LMO1: variants seen among roughly 807,000 people sequenced by gnomAD.
LMO1 encodes rhombotin-1.
LMO1 carries 10 observed loss-of-function variants against 18.0 expected under a neutral mutation model. That is an observed-to-expected ratio of 0.55 (90% CI 0.34 to 0.94). The LOEUF is 0.94. Among genes scored for constraint, LMO1 ranks in the 40% least tolerant of loss-of-function variants. The probability of loss-of-function intolerance (pLI) is 0.02; values close to 1 mark genes in which losing one functional copy is unlikely to be tolerated. For missense variants in LMO1, 183 were observed against 205.7 expected (o/e 0.89, Z 0.68); for synonymous variants, 77 against 77.9 (o/e 0.99, Z 0.06).
In LMO1 at chr11:8,255,844, G is replaced by A. The variant is rs1323301633; in HGVS notation, c.25+7494C>T. On this transcript the variant is annotated intron_variant, in intron 1 of 3. Transcript: ENST00000335790. ...TTTTTTTTTTTTTTTTTTTTTTTTTGAGACGGAGTCTCGCTCTGTCGCCCA... is the reference window on the plus strand; with the variant it reads ...TTTTTTTTTTTTTTTTTTTTTTTTTAAGACGGAGTCTCGCTCTGTCGCCCA... Among the ~76,000 whole-genome samples, 5 of 19,028 alleles carry A rather than the reference G, an allele frequency of 2.6e-4. 1 individual carries two copies. The Middle Eastern group carries it at 0.14, about 519-fold the overall frequency. The allele number at this position is 19,028 out of a possible 152,430, so 12.5% of individuals were successfully genotyped here. A position where few individuals can be genotyped will look rare whatever the true frequency, so the allele number is the denominator to read the frequency against.
At chr11:8,252,904 T>A (rs1371014007) in intron 1 of LMO1, among the ~76,000 whole-genome samples, 4 of 152,224 alleles carry the variant, frequency 2.6e-5, no homozygotes, top group Admixed American at 2.6e-4. Flanking sequence ...TTTTGGAATG[T>A]GTGTTGGAAT....
At chr11:8,236,632 C>T (rs915818727) in intron 1 of LMO1, among the ~76,000 whole-genome samples, 1 of 152,082 alleles carries the variant, frequency 6.6e-6, no homozygotes, top group African/African-American at 2.4e-5. Flanking sequence ...GGAGAGCATG[C>T]AGACACTCGC....
intron 1 of LMO1, among the ~76,000 whole-genome samples, chr11:8,254,324 G>A (rs1847053681): frequency 6.6e-6 from 1 of 152,100 alleles, no homozygotes; most frequent in Non-Finnish European, 1.5e-5. Context: ...CTGAAGCCTG[G>A]GTTTTATTAC....
At chr11:8,267,721 A>C (rs936274446), upstream of LMO1, among the ~76,000 whole-genome samples, 18 of 152,186 alleles carry the variant, frequency 1.2e-4, no homozygotes, top group African/African-American at 4.1e-4. Flanking sequence ...AAGGACCCTA[A>C]ACTTCATTAG....
Position 8,229,484 on chromosome 11 carries a change from C to A in LMO1, c.239+807G>T, listed in dbSNP as rs113280207. 2.0e-5 allele frequency among the ~76,000 whole-genome samples: 3 copies of A among 152,340 alleles called. No homozygotes were observed. In the South Asian group the frequency reaches 6.2e-4, roughly 32 times the overall value. The stretch of plus-strand genomic sequence containing the variant: ...AGCCCGGCAACCATCCAGCAGCCTG[C>A]GACAGAGCCAAATGCAGGTGCTGGG... On this transcript the variant is annotated intron_variant, in intron 2 of 3. Transcript: ENST00000335790.
At chr11:8,242,810 C>T (rs1460109707) in intron 1 of LMO1, among the ~76,000 whole-genome samples, 2 of 152,246 alleles carry the variant, frequency 1.3e-5, no homozygotes, top group Non-Finnish European at 1.5e-5. Context: ...GCATCAGGGA[C>T]GTGAGCACCA....
At chr11:8,253,596 A>T (rs1228645648) in intron 1 of LMO1, among the ~76,000 whole-genome samples, 1 of 152,198 alleles carries the variant, frequency 6.6e-6, no homozygotes, top group Admixed American at 6.5e-5. Context: ...AGCCCCACAC[A>T]GTCCTTCCTG....
At chr11:8,243,034 C>T (rs2134553293) in intron 1 of LMO1, among the ~76,000 whole-genome samples, 1 of 152,328 alleles carries the variant, frequency 6.6e-6, no homozygotes, top group East Asian at 1.9e-4. Context: ...ATCTGCTAGC[C>T]ACGGGGCTGG....
At chr11:8,239,290 A>C (rs1481238443) in intron 1 of LMO1, among the ~76,000 whole-genome samples, 1 of 152,176 alleles carries the variant, frequency 6.6e-6, no homozygotes. Context: ...ACCAAGAGGA[A>C]TGACTGTCCA....
At chr11:8,264,441 A>T (rs1847239819), upstream of LMO1, among the ~76,000 whole-genome samples, 1 of 152,140 alleles carries the variant, frequency 6.6e-6, no homozygotes, top group Non-Finnish European at 1.5e-5. Context: ...TGAACAAAAC[A>T]AAGATTCCTG....
At chr11:8,258,253 A>T (rs1275584403) in intron 1 of LMO1, among the ~76,000 whole-genome samples, 1 of 152,110 alleles carries the variant, frequency 6.6e-6, no homozygotes, top group Non-Finnish European at 1.5e-5. Context: ...GGCCCTCTGG[A>T]CCCTGGAGAT....
intron 1 of LMO1, among the ~76,000 whole-genome samples, chr11:8,239,579 C>G (rs1220123732): frequency 1.3e-5 from 2 of 152,046 alleles, no homozygotes; most frequent in Non-Finnish European, 2.9e-5. Flanking sequence ...GACTCCAGAC[C>G]CAGGGCTATA....
rs989275476 is a variant in LMO1, at chr11:8,263,642, G to A, written c.-280C>T. The A allele has an allele frequency of 7.5e-7, 1 of 1,336,874 alleles. No individual in the cohort carries two copies. The highest frequency in any genetic ancestry group is 1.5e-5 in the African/African-American group (1 of 65,408). The allele number at this position is 1,336,874 out of a possible 1,614,324, so 82.8% of individuals were successfully genotyped here. The stretch of plus-strand genomic sequence containing the variant: ...GGAGAGGGAGAGAGAAGGGGGAAAA[G>A]AGGATCAGAGCCGTTTCTTTGATTC... On this transcript the variant is annotated 5_prime_UTR_variant, in exon 1 of 4. Transcript: ENST00000335790.
chr11:8,251,481 G>A (rs1254837115), intron 1 of LMO1, among the ~76,000 whole-genome samples: 1 of 152,194 alleles, frequency 6.6e-6, no homozygotes, highest in East Asian at 1.9e-4. Context: ...AACAGCAGCG[G>A]GGAGGCTGGC....
intron 1 of LMO1, among the ~76,000 whole-genome samples, chr11:8,231,617 G>T (rs1008293): frequency 6.6e-6 from 1 of 152,202 alleles, no homozygotes; most frequent in Non-Finnish European, 1.5e-5. Context: ...GACAGGGAGC[G>T]TGTGCATGCT....
intron 1 of LMO1, among the ~76,000 whole-genome samples, chr11:8,256,696 CCTGGAATGG>C (rs1179334692): frequency 4.2e-5 from 2 of 48,158 alleles, no homozygotes; most frequent in Non-Finnish European, 1.3e-4. Flanking sequence ...CTGAGCATGG[CCTGGAATGG>C]CCTGGGAGAA....
upstream of LMO1, chr11:8,268,443 C>T (rs1847283466): frequency 1.4e-6 from 2 of 1,463,116 alleles, no homozygotes; most frequent in African/African-American, 1.5e-5. Context: ...CCTGGTCCAA[C>T]ACCATGGTCC....
chr11:8,268,726 G>C (rs1590573904), upstream of LMO1: 2 of 226,564 alleles, frequency 8.8e-6, no homozygotes, highest in East Asian at 1.7e-4. Flanking sequence ...CCGGGCCGCA[G>C]CCGGAGCCTG....
At chr11:8,247,465 A>G (rs1180452175) in intron 1 of LMO1, among the ~76,000 whole-genome samples, 1 of 152,210 alleles carries the variant, frequency 6.6e-6, no homozygotes, top group Admixed American at 6.5e-5. Flanking sequence ...GACAACCCAA[A>G]AAGATGAAGC....
Sources: allele counts gnomAD v4.1 joint callset (sites outside exome capture counted in the v4.1 genomes callset), GRCh38; gene constraint gnomAD v4.1.1; transcripts MANE v1.5; gene names NCBI Gene and HGNC (gene_info 2026-07-23, HGNC 2026-07-21).